Variants in SEPTIN9 observed in about 807,000 individuals in gnomAD.
SEPTIN9 encodes the protein septin 9.
A neutral mutation model predicts 56.6 loss-of-function variants in SEPTIN9; 13 were observed. That is an observed-to-expected ratio of 0.23 (90% CI 0.15 to 0.37). The LOEUF is 0.37. Among genes scored for constraint, SEPTIN9 ranks in the 10% least tolerant of loss-of-function variants. SEPTIN9 has a pLI of 1.00. For missense variants in SEPTIN9, 650 were observed against 823.1 expected, an observed-to-expected ratio of 0.79 and a Z score of 2.57; for synonymous variants, 332 against 334.1, an observed-to-expected ratio of 0.99 and a Z score of 0.07.
intron 3 of SEPTIN9, among the ~76,000 whole-genome samples, chr17:77,457,015 G>A (rs1339051885): frequency 1.3e-5 from 2 of 152,226 alleles, no homozygotes; most frequent in Non-Finnish European, 2.9e-5. Context: ...CCATCACTGC[G>A]GTCTCAGGGG....
intron 2 of SEPTIN9, among the ~76,000 whole-genome samples, chr17:77,309,823 G>T (rs201435790): frequency 6.6e-6 from 1 of 152,162 alleles, no homozygotes; most frequent in East Asian, 1.9e-4. Context: ...TCACCATCCC[G>T]CTTAAGAAGT....
chr17:77,356,224 C>T (rs2034232338), intron 2 of SEPTIN9, among the ~76,000 whole-genome samples: 1 of 152,146 alleles, frequency 6.6e-6, no homozygotes, highest in Admixed American at 6.5e-5. Flanking sequence ...GCCTGGTGCC[C>T]AGCCCGCACC....
intron 4 of SEPTIN9, 53 bp downstream of exon 4, chr17:77,482,388 C>T (rs376593616): frequency 1.1e-5 from 18 of 1,579,640 alleles, no homozygotes; most frequent in Non-Finnish European, 1.5e-5. Flanking sequence ...CAGCCTCAGC[C>T]CCCAGGGCGG....
intron 3 of SEPTIN9, among the ~76,000 whole-genome samples, chr17:77,460,696 C>T (rs2038431186): frequency 6.6e-6 from 1 of 152,104 alleles, no homozygotes; most frequent in South Asian, 2.1e-4. Context: ...CAGCCCTGGC[C>T]CCTGGAGCCC....
Position 77,475,485 on chromosome 17 carries a change from G to C in SEPTIN9, c.722-6659G>C. The C allele has an allele frequency of 1.9e-6, 3 of 1,594,740 alleles. No homozygotes were observed. Among genetic ancestry groups the C allele is most frequent in the Non-Finnish European group, 2.6e-6 (3 of 1,171,316 alleles). On this transcript the variant is annotated intron_variant, in intron 3 of 11. Transcript: ENST00000427177. The surrounding 1 kb of genome is among the most constrained non-coding windows in gnomAD (Gnocchi z 4.6). Reference sequence around the variant, plus strand: ...GAAGCCCCTTTGTGGGGGACAGGGAGCATCTGTTAGTTTATAGGACCTGAA... The same window carrying C: ...GAAGCCCCTTTGTGGGGGACAGGGACCATCTGTTAGTTTATAGGACCTGAA...
At chr17:77,373,962 C>A (rs2034819821) in intron 2 of SEPTIN9, 2 of 167,834 alleles carry the variant, frequency 1.2e-5, no homozygotes, top group Non-Finnish European at 2.5e-5. Flanking sequence ...CTCTCCCCGG[C>A]GGCTCTCGGG....
chr17:77,320,167 T>C (rs2032855462), intron 2 of SEPTIN9: 17 of 1,541,118 alleles, frequency 1.1e-5, no homozygotes, highest in Non-Finnish European at 1.5e-5. Context: ...CATTCGTGAT[T>C]GCAACAGATT....
chr17:77,376,814 C>T (rs1451869915), intron 2 of SEPTIN9: 1 of 152,336 alleles, frequency 6.6e-6, no homozygotes, highest in African/African-American at 2.4e-5. Flanking sequence ...CTGCCAATGT[C>T]CCATGTCCTG....
At chr17:77,332,311 C>A (rs1213092339) in intron 2 of SEPTIN9, among the ~76,000 whole-genome samples, 1 of 137,256 alleles carries the variant, frequency 7.3e-6, no homozygotes, top group African/African-American at 2.7e-5. Context: ...AAAAAAGAAA[C>A]CATGAAAGAT....
chr17:77,304,977 C>G (rs1274978772), intron 1 of SEPTIN9, among the ~76,000 whole-genome samples: 3 of 152,118 alleles, frequency 2.0e-5, no homozygotes, highest in Non-Finnish European at 4.4e-5. Context: ...CCGCTCCTCT[C>G]CCCTCCTGGT....
At chr17:77,426,561 G>A (rs1181778909) in intron 3 of SEPTIN9, among the ~76,000 whole-genome samples, 4 of 152,152 alleles carry the variant, frequency 2.6e-5, no homozygotes, top group Non-Finnish European at 5.9e-5. Flanking sequence ...TGGCCTGGCT[G>A]CTCCTGGAAC....
At chr17:77,302,179 A>G (rs1374722150) in intron 1 of SEPTIN9, among the ~76,000 whole-genome samples, 1 of 152,216 alleles carries the variant, frequency 6.6e-6, no homozygotes, top group African/African-American at 2.4e-5. Flanking sequence ...CAGGTAAAAG[A>G]AAAAATAGCT....
intron 2 of SEPTIN9, among the ~76,000 whole-genome samples, chr17:77,391,898 G>C (rs1031509470): frequency 3.3e-5 from 5 of 152,220 alleles, no homozygotes; most frequent in Non-Finnish European, 7.3e-5. Context: ...GATAAGAGAA[G>C]GTTTGGAATC....
chr17:77,402,112 C>T lies in SEPTIN9; in HGVS notation c.130C>T (p.Pro44Ser). 1 of 1,613,966 alleles carries T rather than the reference C, an allele frequency of 6.2e-7. No homozygotes were observed. Among genetic ancestry groups the T allele is most frequent in the Non-Finnish European group, 8.5e-7 (1 of 1,179,880 alleles). ...EEVETPNSTP[P>S]RRVQTPLLRA... ...GGTCGAGACACCCAACTCCACCCCA[C>T]CCCGGAGGGTCCAGACTCCCCTACT... The change falls in exon 3 of 12, where the codon CCC becomes TCC. Residue 44 changes from proline to serine, a missense_variant. Around this residue, in one of 2 missense-constraint regions of SEPTIN9, gnomAD observed 317 missense variants for 329.1 expected, o/e 0.96. Coordinates refer to ENST00000427177, the MANE Select transcript of SEPTIN9 (RefSeq NM_001113491.2). This position sits in a 1 kb window ranked among gnomAD's most constrained non-coding sequence, Gnocchi z 6.6.
chr17:77,475,349 G>A lies in SEPTIN9; in HGVS notation c.722-6795G>A. ...CAGGGCTTCCCCAGGATTCAGCAGG[G>A]ATCTGAAGGACTTTGCAGGCACCCA... is the stretch of plus-strand genomic sequence containing the variant. On this transcript the variant is annotated intron_variant, in intron 3 of 11. Transcript: ENST00000427177. This position sits in a 1 kb window ranked among gnomAD's most constrained non-coding sequence, Gnocchi z 4.6. 7.0e-7 allele frequency: 1 copy of A among 1,434,452 alleles called. No homozygotes were observed. The highest frequency in any genetic ancestry group is 9.1e-7 in the Non-Finnish European group (1 of 1,100,208). The allele number at this position is 1,434,452 out of a possible 1,614,324, so 88.9% of individuals were successfully genotyped here. A position where few individuals can be genotyped will look rare whatever the true frequency, so the allele number is the denominator to read the frequency against.
chr17:77,346,278 C>CTTTTTTTTTTTTTTTTTTTTTTTTTTT lies in SEPTIN9; in HGVS notation c.76+39084_76+39110dup, dbSNP rs577131369. On this transcript the variant is annotated intron_variant, in intron 2 of 11. Transcript: ENST00000427177. ...AGATTCTTAAAGCAGATCCTTAGGT[C>CTTTTTTTTTTTTTTTTTTTTTTTTTTT]TTTTTTTTTTTTTTTTTTTTTTTTT... Among the ~76,000 whole-genome samples the CTTTTTTTTTTTTTTTTTTTTTTTTTTT allele has an allele frequency of 1.3e-4, 6 of 46,316 alleles. 1 individual carries two copies. Among genetic ancestry groups the CTTTTTTTTTTTTTTTTTTTTTTTTTTT allele is most frequent in the Non-Finnish European group, 2.4e-4 (6 of 25,282 alleles). 30.4% of individuals were successfully genotyped at this position (46,316 alleles called of 152,430 possible). A position where few individuals can be genotyped will look rare whatever the true frequency, so the allele number is the denominator to read the frequency against.
chr17:77,351,080 G>A (rs1300422567), intron 2 of SEPTIN9, among the ~76,000 whole-genome samples: 1 of 151,694 alleles, frequency 6.6e-6, no homozygotes, highest in Non-Finnish European at 1.5e-5. Context: ...GTGCCTGTGT[G>A]CTGTGTATGC....
intron 3 of SEPTIN9, among the ~76,000 whole-genome samples, chr17:77,459,426 G>T (rs755445901): frequency 6.6e-6 from 1 of 152,210 alleles, no homozygotes. Context: ...GTTAAGACCC[G>T]GGCCCGGTCT....
At chr17:77,423,946 G>T (rs1040259905) in intron 3 of SEPTIN9, among the ~76,000 whole-genome samples, 1 of 117,764 alleles carries the variant, frequency 8.5e-6, no homozygotes, top group East Asian at 2.6e-4. Context: ...CCTGGGGCCA[G>T]CAGGGAACAC....
Sources: allele counts gnomAD v4.1 joint callset (sites outside exome capture counted in the v4.1 genomes callset), GRCh38; gene constraint gnomAD v4.1.1; regional missense constraint gnomAD v4.1.1; non-coding constraint Gnocchi (gnomAD v3.1); transcripts MANE v1.5; gene names NCBI Gene and HGNC (gene_info 2026-07-23, HGNC 2026-07-21).